The following PDE1C variants were observed in gnomAD, a reference collection of about 807,000 sequenced individuals.
PDE1C encodes the protein phosphodiesterase 1C, also known as dual specificity calcium/calmodulin-dependent 3',5'-cyclic nucleotide phosphodiesterase 1C.
A neutral mutation model predicts 93.1 loss-of-function variants in PDE1C; 62 were observed. The observed-to-expected ratio is 0.67, with a 90% CI of 0.54 to 0.82. The LOEUF is 0.82. Ranked by LOEUF, PDE1C falls within the 40% of genes least tolerant of loss-of-function variation. The pLI is 0.00. For missense variants in PDE1C, 742 were observed against 884.6 expected, an observed-to-expected ratio of 0.84 and a Z score of 2.04; for synonymous variants, 325 against 310.1, an observed-to-expected ratio of 1.05 and a Z score of -0.50.
At chr7:32,111,332 C>G (rs1798629141) in intron 3 of PDE1C, among the ~76,000 whole-genome samples, 1 of 152,292 alleles carries the variant, frequency 6.6e-6, no homozygotes, top group Admixed American at 6.5e-5. Flanking sequence ...TAGGTTTGAA[C>G]ACAGATTCTA....
intron 2 of PDE1C, among the ~76,000 whole-genome samples, chr7:32,172,248 A>G (rs546647510): frequency 6.6e-6 from 1 of 152,214 alleles, no homozygotes; most frequent in South Asian, 2.1e-4. Context: ...GGTTGAGTGA[A>G]CAGGCAACCT....
chr7:31,656,528 A>G, the PDE1C span: 3 of 880,732 alleles, frequency 3.4e-6, no homozygotes, highest in Non-Finnish European at 3.9e-6. Flanking sequence ...TCTGTTGAAA[A>G]GAACTGTTAG....
chr7:31,841,286 T>C (rs1226375622), intron 9 of PDE1C, among the ~76,000 whole-genome samples: 5 of 151,714 alleles, frequency 3.3e-5, no homozygotes, highest in Admixed American at 6.6e-5. Context: ...TAATGTTTTT[T>C]ACATTAACCT....
chr7:31,813,998 T>C (rs1377561071), intron 15 of PDE1C, among the ~76,000 whole-genome samples: 2 of 151,988 alleles, frequency 1.3e-5, no homozygotes, highest in African/African-American at 4.8e-5. Flanking sequence ...CATTCCTTTT[T>C]ATGGCTGAAT....
Position 31,759,983 on chromosome 7 carries a change from C to G in PDE1C, c.1961-6430G>C, listed in dbSNP as rs534875587. On this transcript the variant is annotated intron_variant, in intron 17 of 17. Transcript: ENST00000396191. ...AACAGTTGTACAGAATTATTTTTCTCCAGGAAACAGGTTCACATTTATTCA... is the reference window on the plus strand; with the variant it reads ...AACAGTTGTACAGAATTATTTTTCTGCAGGAAACAGGTTCACATTTATTCA... Among the ~76,000 whole-genome samples the G allele has an allele frequency of 2.0e-4, 31 of 152,016 alleles. 1 individual carries two copies. The South Asian group carries it at 6.4e-3, about 32-fold the overall frequency.
intron 1 of PDE1C, among the ~76,000 whole-genome samples, chr7:32,273,932 G>A (rs1242694821): frequency 6.6e-6 from 1 of 152,208 alleles, no homozygotes; most frequent in African/African-American, 2.4e-5. Context: ...CAATCTCGCT[G>A]CTGCATCTTT....
intron 2 of PDE1C, among the ~76,000 whole-genome samples, chr7:31,952,573 C>T (rs1023411558): frequency 1.3e-5 from 2 of 152,068 alleles, no homozygotes; most frequent in African/African-American, 2.4e-5. Flanking sequence ...TTTAGCAAAA[C>T]GTTACTCTAT....
At chr7:32,047,232 T>C (rs1475180901) in intron 2 of PDE1C, among the ~76,000 whole-genome samples, 4 of 152,128 alleles carry the variant, frequency 2.6e-5, no homozygotes, top group Admixed American at 6.6e-5. Flanking sequence ...ACCTGATAAC[T>C]TGAAGGTGAA....
chr7:32,409,276 G>A (rs1056439279), intron 1 of PDE1C, among the ~76,000 whole-genome samples: 3 of 152,030 alleles, frequency 2.0e-5, no homozygotes, highest in Non-Finnish European at 4.4e-5. Context: ...GGGGAGGATC[G>A]CTTGAACCCA....
chr7:32,350,036 T>C (rs1332285220), intron 1 of PDE1C, among the ~76,000 whole-genome samples: 1 of 152,260 alleles, frequency 6.6e-6, no homozygotes, highest in East Asian at 1.9e-4. Context: ...GTGATGCTTA[T>C]CCATGTCCTG....
At chr7:31,625,369 A>C in the PDE1C span, among the ~76,000 whole-genome samples, 1 of 151,964 alleles carries the variant, frequency 6.6e-6, no homozygotes, top group Non-Finnish European at 1.5e-5. Flanking sequence ...CTTGGAACCA[A>C]CCCAAATGTC....
At chr7:31,739,179 T>C in the PDE1C span, among the ~76,000 whole-genome samples, 2 of 147,100 alleles carry the variant, frequency 1.4e-5, no homozygotes. Context: ...CGTCAGTGAT[T>C]GACGTCAGCA....
intron 2 of PDE1C, among the ~76,000 whole-genome samples, chr7:32,204,468 T>A (rs372762111): frequency 6.6e-6 from 1 of 152,130 alleles, no homozygotes; most frequent in Non-Finnish European, 1.5e-5. Context: ...GTGGGCACTG[T>A]CTCCCTCGCT....
chr7:31,874,194 T>C (rs565745282), intron 5 of PDE1C, among the ~76,000 whole-genome samples: 29 of 152,220 alleles, frequency 1.9e-4, no homozygotes, highest in Non-Finnish European at 3.5e-4. Context: ...ACACACCTTA[T>C]ATACCATCCC....
chr7:32,052,967 C>A (rs1294888488), intron 1 of PDE1C, among the ~76,000 whole-genome samples: 1 of 152,054 alleles, frequency 6.6e-6, no homozygotes, highest in Non-Finnish European at 1.5e-5. Flanking sequence ...AATATGGATA[C>A]ACCTAGTTAC....
chr7:32,043,392 A>T (rs1792107667), intron 2 of PDE1C, among the ~76,000 whole-genome samples: 1 of 152,198 alleles, frequency 6.6e-6, no homozygotes, highest in South Asian at 2.1e-4. Flanking sequence ...TCCTCAGGTA[A>T]CTTAAAGTCT....
intron 3 of PDE1C, among the ~76,000 whole-genome samples, chr7:32,119,804 C>G (rs1457103382): frequency 2.0e-5 from 3 of 152,196 alleles, no homozygotes; most frequent in Non-Finnish European, 4.4e-5. Context: ...GGCATAGGGT[C>G]CCAACCTTGA....
At chr7:31,635,782 G>GC in the PDE1C span, among the ~76,000 whole-genome samples, 4 of 152,026 alleles carry the variant, frequency 2.6e-5, no homozygotes, top group Admixed American at 2.6e-4. Context: ...TAAGGGGAGG[G>GC]CGGGGGTCAG....
chr7:31,722,308 C>CT, the PDE1C span, among the ~76,000 whole-genome samples: 1 of 152,270 alleles, frequency 6.6e-6, no homozygotes, highest in Non-Finnish European at 1.5e-5. Context: ...AACCTGACTG[C>CT]TTTTATGGTC....
Sources: allele counts gnomAD v4.1 joint callset (sites outside exome capture counted in the v4.1 genomes callset), GRCh38; gene constraint gnomAD v4.1.1; transcripts MANE v1.5; gene names NCBI Gene and HGNC (gene_info 2026-07-23, HGNC 2026-07-21).